PTPRD: variants seen among roughly 807,000 people sequenced by gnomAD.
PTPRD encodes receptor-type tyrosine-protein phosphatase delta.
In PTPRD, 34 loss-of-function variants were observed where a neutral mutation model predicts 214.5. The observed-to-expected ratio is 0.16, with a 90% CI of 0.12 to 0.21. The LOEUF is 0.21. PTPRD is among the 10% of genes least tolerant of loss of function. PTPRD has a pLI of 1.00. For missense variants in PTPRD, 2,545 were observed against 2,398.7 expected, an observed-to-expected ratio of 1.06 and a Z score of -1.27; for synonymous variants, 1,128 against 845.7, an observed-to-expected ratio of 1.33 and a Z score of -5.79.
chr9:9,209,107 T>C (rs1438391721), intron 9 of PTPRD, among the ~76,000 whole-genome samples: 1 of 151,838 alleles, frequency 6.6e-6, no homozygotes, highest in East Asian at 1.9e-4. Flanking sequence ...CGCGACCGGC[T>C]GACAATATAA....
At chr9:10,305,404 G>T (rs1203482360) in intron 3 of PTPRD, among the ~76,000 whole-genome samples, 2 of 86,486 alleles carry the variant, frequency 2.3e-5, no homozygotes, top group African/African-American at 9.1e-5. Context: ...AAAAAAAAAA[G>T]CCAAAATTGA....
intron 9 of PTPRD, among the ~76,000 whole-genome samples, chr9:9,269,638 C>A (rs558354375): frequency 1.1e-4 from 16 of 150,980 alleles, no homozygotes; most frequent in African/African-American, 3.6e-4. Flanking sequence ...AAAATGTGGT[C>A]GGTGTGTATG....
At chr9:9,844,075 T>G (rs1397705819) in intron 5 of PTPRD, among the ~76,000 whole-genome samples, 2 of 152,030 alleles carry the variant, frequency 1.3e-5, no homozygotes, top group Admixed American at 1.3e-4. Context: ...CTTTAATGAC[T>G]TTGGATTTTG....
intron 6 of PTPRD, among the ~76,000 whole-genome samples, chr9:9,736,426 CA>C (rs2098296055): frequency 6.6e-6 from 1 of 152,016 alleles, no homozygotes; most frequent in African/African-American, 2.4e-5. Flanking sequence ...TTTACATATT[CA>C]ATCCACTATT....
rs55812614 is a variant in PTPRD at position 10,486,012 on chromosome 9, T to C, written c.-600+126386A>G. Among the ~76,000 whole-genome samples, 53 of 141,138 alleles carry C rather than the reference T, an allele frequency of 3.8e-4. No individual in the cohort carries two copies. In the East Asian group the frequency reaches 4.0e-3, roughly 11 times the overall value. The allele number at this position is 141,138 out of a possible 152,430, so 92.6% of individuals were successfully genotyped here. A position where few individuals can be genotyped will look rare whatever the true frequency, so the allele number is the denominator to read the frequency against. Reference sequence around the variant, plus strand: ...TTTCGAGGAGTGTCTGTTCACATCTTTTTCCCACTTTTTGATGTTTTTTTT... The same window carrying C: ...TTTCGAGGAGTGTCTGTTCACATCTCTTTCCCACTTTTTGATGTTTTTTTT... On this transcript the variant is annotated intron_variant, in intron 2 of 45. Transcript: ENST00000381196.
chr9:8,458,226 G>A (rs2096272087), intron 33 of PTPRD, among the ~76,000 whole-genome samples: 1 of 152,080 alleles, frequency 6.6e-6, no homozygotes, highest in Non-Finnish European at 1.5e-5. Flanking sequence ...GTGGGATTAG[G>A]AAAAATTATA....
intron 9 of PTPRD, among the ~76,000 whole-genome samples, chr9:9,358,965 T>G (rs1340907822): frequency 2.0e-5 from 3 of 151,306 alleles, no homozygotes; most frequent in Non-Finnish European, 4.4e-5. Context: ...AAAAACAATT[T>G]CAGGATAAAA....
intron 8 of PTPRD, among the ~76,000 whole-genome samples, chr9:9,559,332 A>G (rs766596680): frequency 2.0e-5 from 3 of 152,186 alleles, no homozygotes; most frequent in Non-Finnish European, 4.4e-5. Flanking sequence ...CCATCCCGCT[A>G]TTACTAACTG....
At chr9:9,583,502 C>T (rs1223136721) in intron 7 of PTPRD, among the ~76,000 whole-genome samples, 2 of 152,000 alleles carry the variant, frequency 1.3e-5, no homozygotes, top group African/African-American at 4.8e-5. Context: ...CCTTAGTTGA[C>T]AATGAGCCAA....
At chr9:9,855,291 G>A (rs1180394947) in intron 5 of PTPRD, among the ~76,000 whole-genome samples, 1 of 152,146 alleles carries the variant, frequency 6.6e-6, no homozygotes, top group African/African-American at 2.4e-5. Context: ...TTTATACAAA[G>A]CTTTGAAGTA....
chr9:10,100,421 C>A (rs1194625098), intron 3 of PTPRD, among the ~76,000 whole-genome samples: 3 of 151,572 alleles, frequency 2.0e-5, no homozygotes, highest in Non-Finnish European at 4.4e-5. Context: ...TTAGACTGAT[C>A]TCTATTATTT....
At chr9:10,463,459 A>G (rs2098972662) in intron 2 of PTPRD, among the ~76,000 whole-genome samples, 1 of 152,136 alleles carries the variant, frequency 6.6e-6, no homozygotes, top group Non-Finnish European at 1.5e-5. Flanking sequence ...AACAAGAATA[A>G]GTTGTTTATT....
chr9:8,465,667 C>T lies in PTPRD; in HGVS notation c.3513G>A (p.Lys1171=). Reference sequence around the variant, plus strand: ...TGCTTCTGCGCTTCCTAGATATCTCCTTAAGCAGCTTAAGGAAAAAAGTGG... The same window carrying T: ...TGCTTCTGCGCTTCCTAGATATCTCTTTAAGCAGCTTAAGGAAAAAAGTGG... ...PDEMELDELL[K]EISRKRRSIR... Residue 1171 remains lysine, a synonymous_variant, in exon 32 of 46, where the codon AAG becomes AAA. Transcript: ENST00000381196. 5 of 1,605,192 alleles carry T rather than the reference C, an allele frequency of 3.1e-6. No homozygotes were observed. The highest frequency in any genetic ancestry group is 4.3e-6 in the Non-Finnish European group (5 of 1,175,916).
intron 12 of PTPRD, among the ~76,000 whole-genome samples, chr9:8,655,538 A>T (rs2096891993): frequency 6.6e-6 from 1 of 152,202 alleles, no homozygotes; most frequent in Admixed American, 6.5e-5. Flanking sequence ...CAAATTTTAA[A>T]CAACAATATG....
intron 2 of PTPRD, among the ~76,000 whole-genome samples, chr9:10,516,000 CAT>C (rs2049969069): frequency 6.6e-6 from 1 of 151,864 alleles, no homozygotes; most frequent in African/African-American, 2.4e-5. Context: ...GTTGTTTCCA[CAT>C]GTTTGTTATT....
chr9:10,222,790 C>G (rs2065070), intron 3 of PTPRD, among the ~76,000 whole-genome samples: 40,656 of 151,830 alleles, frequency 0.27, 5,564 homozygotes, highest in East Asian at 0.42. Flanking sequence ...ATTTTGTGAT[C>G]TGAAATGACA....
chr9:10,554,609 A>G (rs1476372865), intron 2 of PTPRD, among the ~76,000 whole-genome samples: 1 of 152,002 alleles, frequency 6.6e-6, no homozygotes, highest in Non-Finnish European at 1.5e-5. Flanking sequence ...TAACATTTTT[A>G]TACATCCCTA....
At chr9:10,435,757 C>T (rs1170228714) in intron 2 of PTPRD, among the ~76,000 whole-genome samples, 1 of 151,758 alleles carries the variant, frequency 6.6e-6, no homozygotes, top group Non-Finnish European at 1.5e-5. Context: ...GAGGGTTACA[C>T]ATTTTGGCTC....
chr9:10,008,633 T>C (rs2096536749), intron 4 of PTPRD, among the ~76,000 whole-genome samples: 1 of 151,786 alleles, frequency 6.6e-6, no homozygotes, highest in South Asian at 2.1e-4. Flanking sequence ...AATTCCTGTC[T>C]CATCCTTCCT....
Sources: gnomAD v4.1 joint callset for allele counts (sites outside exome capture counted in the v4.1 genomes callset) on GRCh38, gnomAD v4.1.1 for gene constraint, MANE v1.5 for transcripts, NCBI Gene and HGNC (gene_info 2026-07-23, HGNC 2026-07-21) for gene names.